SVOP: variants seen among roughly 807,000 people sequenced by gnomAD.
SVOP encodes SV2 related protein.
In SVOP, 17 loss-of-function variants were observed where a neutral mutation model predicts 69.1. The observed-to-expected ratio is 0.25, with a 90% CI of 0.17 to 0.37. SVOP has a LOEUF of 0.37. Ranked by LOEUF, SVOP falls within the 10% of genes least tolerant of loss-of-function variation. The pLI is 1.00. For synonymous variants in SVOP, 238 were observed against 238.6 expected, an observed-to-expected ratio of 1.00 and a Z score of 0.02; for missense variants, 435 against 597.5, an observed-to-expected ratio of 0.73 and a Z score of 2.84.
At position 109,020,841 on chromosome 12, in the gene SVOP, G is replaced by A. The variant is rs958900551; in HGVS notation, c.28C>T (p.Gln10Ter). The A allele has an allele frequency of 5.7e-6, 4 of 706,222 alleles. No homozygotes were observed. Among genetic ancestry groups the A allele is most frequent in the Admixed American group, 4.2e-5 (2 of 47,454 alleles). The allele number at this position is 706,222 out of a possible 1,614,324, so 43.7% of individuals were successfully genotyped here. Residue 10 changes from glutamine (Q) to a stop codon, truncating the protein, a stop_gained, in exon 1 of 16, where the codon CAG becomes TAG. Coordinates refer to ENST00000610966, the MANE Select transcript of SVOP (RefSeq NM_018711.5). LOFTEE classifies it high-confidence loss of function. MEEDLFQLR[Q>*]LPVVKFRRTG... ...CGCCCCCATGATACTCACGGCAGCT[G>A]CCTTAGCTGGAATAAGTCCTCCTCC...
chr12:108,922,034 C>T (rs10861983), intron 12 of SVOP, among the ~76,000 whole-genome samples: 49,164 of 152,032 alleles, frequency 0.32, 9,288 homozygotes, highest in South Asian at 0.58. Context: ...CTGTTCCTTT[C>T]CAGTGTGCCT....
At chr12:109,005,618 C>T (rs964563141) in intron 1 of SVOP, among the ~76,000 whole-genome samples, 14 of 152,106 alleles carry the variant, frequency 9.2e-5, no homozygotes, top group African/African-American at 3.1e-4. Context: ...AAACAGGGTG[C>T]CAAGTGGGGA....
chr12:108,989,494 C>A (rs1423734283), intron 1 of SVOP, among the ~76,000 whole-genome samples: 3 of 152,202 alleles, frequency 2.0e-5, no homozygotes, highest in Non-Finnish European at 1.5e-5. Context: ...CTCAGCCTGA[C>A]CCCACAGGGA....
chr12:108,992,670 C>T (rs770213293), intron 1 of SVOP, among the ~76,000 whole-genome samples: 6 of 152,040 alleles, frequency 3.9e-5, no homozygotes, highest in African/African-American at 7.2e-5. Context: ...GATATGAGTC[C>T]GCTTAAATGA....
intron 6 of SVOP, among the ~76,000 whole-genome samples, chr12:108,954,540 A>G (rs1158377856): frequency 6.6e-6 from 1 of 152,196 alleles, no homozygotes; most frequent in East Asian, 1.9e-4. Flanking sequence ...GTCCTGTGCC[A>G]TAATCCCAGA....
At chr12:108,919,555 G>A in intron 13 of SVOP, 120 bp downstream of exon 13, 1 of 711,906 alleles carries the variant, frequency 1.4e-6, no homozygotes, top group Admixed American at 2.3e-5. Flanking sequence ...ACTTGGGCCT[G>A]CACCTCCACC....
chr12:108,987,971 G>T (rs925904193), intron 1 of SVOP, among the ~76,000 whole-genome samples: 2 of 152,124 alleles, frequency 1.3e-5, no homozygotes, highest in Non-Finnish European at 2.9e-5. Flanking sequence ...ACCCAGGCTG[G>T]AGTGCAGTGG....
At chr12:108,945,750 C>T (rs780575173) in intron 6 of SVOP, among the ~76,000 whole-genome samples, 16 of 152,150 alleles carry the variant, frequency 1.1e-4, no homozygotes, top group Admixed American at 3.3e-4. Flanking sequence ...TTGAGCCCTA[C>T]CCATAATCCA....
chr12:109,012,630 G>A (rs1388110309), intron 1 of SVOP, among the ~76,000 whole-genome samples: 1 of 151,880 alleles, frequency 6.6e-6, no homozygotes, highest in Non-Finnish European at 1.5e-5. Context: ...TTTAGTCAAA[G>A]AAAATAAGGA....
intron 11 of SVOP, among the ~76,000 whole-genome samples, chr12:108,927,043 G>A (rs2039784535): frequency 6.6e-6 from 1 of 152,218 alleles, no homozygotes; most frequent in South Asian, 2.1e-4. Context: ...CATGCTTACT[G>A]TCTAGTATAA....
intron 1 of SVOP, among the ~76,000 whole-genome samples, chr12:109,018,339 C>G (rs2040379605): frequency 1.3e-5 from 2 of 152,078 alleles, no homozygotes; most frequent in Non-Finnish European, 2.9e-5. Context: ...ATGAACCACC[C>G]CAGAGCTGTG....
At chr12:108,986,771 A>G (rs575000727) in intron 1 of SVOP, among the ~76,000 whole-genome samples, 9 of 137,470 alleles carry the variant, frequency 6.5e-5, no homozygotes, top group Admixed American at 1.6e-4. Context: ...CTCTTCTTTG[A>G]TCGGGGAGGG....
chr12:108,921,776 C>G (rs2039749630), intron 12 of SVOP, among the ~76,000 whole-genome samples: 1 of 152,160 alleles, frequency 6.6e-6, no homozygotes, highest in Admixed American at 6.5e-5. Context: ...GGAACAGTTT[C>G]TGCTACACTG....
chr12:108,918,113 G>A lies in SVOP; in HGVS notation c.1280C>T (p.Thr427Ile), dbSNP rs1431133828. ...LFICVGRNVL[T>I]LLLFIARAFI... ...CGCTCTTGCAATGAAGAGTAACAGA[G>A]TGAGCACATTTCTAGGAGGAGGATA... Residue 427 changes from threonine to isoleucine, a missense_variant, in exon 14 of 16, where the codon ACT (threonine) becomes ATT (isoleucine). Transcript: ENST00000610966. 2 of 1,569,580 alleles carry A rather than the reference G, an allele frequency of 1.3e-6. No homozygotes were observed. The highest frequency in any genetic ancestry group is 1.4e-5 in the African/African-American group (1 of 73,836).
intron 13 of SVOP, among the ~76,000 whole-genome samples, chr12:108,919,044 C>T (rs940877842): frequency 1.3e-5 from 2 of 151,812 alleles, no homozygotes; most frequent in Non-Finnish European, 2.9e-5. Flanking sequence ...ATACCCGCAA[C>T]CTGGGCCGGC....
intron 1 of SVOP, among the ~76,000 whole-genome samples, chr12:109,013,666 A>T (rs2040354107): frequency 6.6e-6 from 1 of 152,214 alleles, no homozygotes; most frequent in African/African-American, 2.4e-5. Flanking sequence ...CTGGGATTAC[A>T]GGCGTGAGCC....
chr12:108,977,840 C>T (rs2040115563), intron 3 of SVOP, among the ~76,000 whole-genome samples: 1 of 152,044 alleles, frequency 6.6e-6, no homozygotes, highest in African/African-American at 2.4e-5. Context: ...CTTTTTGGTG[C>T]AGTTAAAGAC....
At chr12:109,009,578 A>G (rs968905068) in intron 1 of SVOP, among the ~76,000 whole-genome samples, 1 of 151,368 alleles carries the variant, frequency 6.6e-6, no homozygotes, top group Non-Finnish European at 1.5e-5. Context: ...ACGCCCAGCT[A>G]ATTTTTGTAT....
intron 11 of SVOP, among the ~76,000 whole-genome samples, chr12:108,930,198 A>G (rs1245463104): frequency 6.6e-6 from 1 of 152,250 alleles, no homozygotes; most frequent in Non-Finnish European, 1.5e-5. Context: ...TATATTGTTA[A>G]AAGAAAGACC....
Sources: gnomAD v4.1 joint callset for allele counts (sites outside exome capture counted in the v4.1 genomes callset) on GRCh38, gnomAD v4.1.1 for gene constraint, MANE v1.5 for transcripts, NCBI Gene and HGNC (gene_info 2026-07-23, HGNC 2026-07-21) for gene names.